Variants in PLAAT5 observed in about 807,000 individuals in gnomAD.
PLAAT5 encodes the protein Ca(2+)-independent N-acyltransferase.
PLAAT5 carries 27 observed loss-of-function variants against 27.8 expected under a neutral mutation model. That is an observed-to-expected ratio of 0.97 (90% CI 0.72 to 1.34). The LOEUF (loss-of-function observed/expected upper bound fraction) is 1.34, where lower values mean the gene tolerates loss of function less well. PLAAT5 is among the 40% of genes most tolerant of loss of function. The pLI is 0.00. For synonymous variants in PLAAT5, 125 were observed against 136.1 expected (o/e 0.92, Z 0.57); for missense variants, 368 against 343.8 (o/e 1.07, Z -0.56).
chr11:63,472,934 T>C (rs1486549115), intron 3 of PLAAT5, among the ~76,000 whole-genome samples: 2 of 151,520 alleles, frequency 1.3e-5, no homozygotes, highest in Admixed American at 1.3e-4. Context: ...TGAAACCCCA[T>C]CTCTATTAAA....
rs149917445 is a variant in PLAAT5 at position 63,466,249 on chromosome 11, G to T, written c.578C>A (p.Thr193Lys). Reference sequence around the variant, plus strand: ...CTTGTCCACCGGCAAGGGCAGGTACGTCCCATCTAGCTTGTTATTGACCTT... The same window carrying T: ...CTTGTCCACCGGCAAGGGCAGGTACTTCCCATCTAGCTTGTTATTGACCTT... Reference protein sequence around the residue: ...SWKVNNKLDGTYLPLPVDKII... With the variant: ...SWKVNNKLDGKYLPLPVDKII... Residue 193 changes from threonine to lysine, a missense_variant, in exon 5 of 6, where the codon ACG (threonine) becomes AAG (lysine). Transcript: ENST00000540857. 2.5e-6 allele frequency: 4 copies of T among 1,614,138 alleles called. No individual in the cohort carries two copies. The highest frequency in any genetic ancestry group is 1.6e-4 in the Middle Eastern group (1 of 6,062).
intron 3 of PLAAT5, chr11:63,469,674 T>C (rs963553360): frequency 5.5e-6 from 1 of 180,300 alleles, no homozygotes; most frequent in Non-Finnish European, 1.3e-5. Flanking sequence ...CGTTAATTTG[T>C]CAACTACTCA....
intron 1 of PLAAT5, 65 bp from the exon 2 acceptor site, chr11:63,490,398 G>A: frequency 3.1e-6 from 5 of 1,611,726 alleles, no homozygotes; most frequent in Non-Finnish European, 4.2e-6. Context: ...CACCTTGACC[G>A]CTACGGAGAG....
intron 3 of PLAAT5, among the ~76,000 whole-genome samples, chr11:63,483,443 A>ACTC (rs2016332230): frequency 6.6e-6 from 1 of 152,008 alleles, no homozygotes; most frequent in Admixed American, 6.6e-5. Context: ...TTAGAAATTA[A>ACTC]CTCTGAAAGG....
Position 63,464,148 on chromosome 11 carries a change from G to A in PLAAT5, c.718-553C>T, listed in dbSNP as rs149857757. Among the ~76,000 whole-genome samples the A allele has an allele frequency of 1.5e-3, 227 of 152,256 alleles. 1 individual carries two copies. The highest frequency in any genetic ancestry group is 5.1e-3 in the African/African-American group (211 of 41,552). On this transcript the variant is annotated intron_variant, in intron 5 of 5. Coordinates refer to ENST00000540857, the MANE Select transcript of PLAAT5 (RefSeq NM_001146729.2). ...TAGAGAAAAGCCTCACAAGAATGGA[G>A]TGCAGGCTGGAGAGGATGCAGAGCA...
intron 4 of PLAAT5, among the ~76,000 whole-genome samples, chr11:63,467,602 C>A (rs1181521840): frequency 6.6e-6 from 1 of 152,134 alleles, no homozygotes; most frequent in Non-Finnish European, 1.5e-5. Context: ...AGACAGCATT[C>A]AAAGTGCATT....
chr11:63,472,188 C>A (rs1306404195), intron 3 of PLAAT5, among the ~76,000 whole-genome samples: 1 of 151,602 alleles, frequency 6.6e-6, no homozygotes, highest in Non-Finnish European at 1.5e-5. Flanking sequence ...ACACATACCC[C>A]AGAACTTAAA....
At position 63,473,706 on chromosome 11, in the gene PLAAT5, G is replaced by GTT. The variant is rs201090137; in HGVS notation, c.346-5243_346-5242dup. ...TCTATTAACATGATATTTTTTTGTT[G>GTT]TTTTTTTTTTTTTTTTGGTTTTTTG... On this transcript the variant is annotated intron_variant, in intron 3 of 5. Transcript: ENST00000540857. 6.0e-3 allele frequency among the ~76,000 whole-genome samples: 704 copies of GTT among 117,646 alleles called. 4 individuals carry two copies. Among genetic ancestry groups the GTT allele is most frequent in the African/African-American group, 0.019 (657 of 33,878 alleles). The allele number at this position is 117,646 out of a possible 152,430, so 77.2% of individuals were successfully genotyped here. A position where few individuals can be genotyped will look rare whatever the true frequency, so the allele number is the denominator to read the frequency against.
intron 3 of PLAAT5, 88 bp from the exon 4 acceptor site, chr11:63,468,553 A>T: frequency 1.1e-6 from 1 of 952,256 alleles, no homozygotes; most frequent in Non-Finnish European, 1.6e-6. Context: ...CAGCCTAAAG[A>T]TCCCCTCAGT....
intron 3 of PLAAT5, among the ~76,000 whole-genome samples, chr11:63,469,141 T>A (rs111881901): frequency 0.034 from 4,847 of 142,100 alleles, 91 homozygotes; most frequent in Middle Eastern, 0.044. Flanking sequence ...TGTGTGTGTG[T>A]GTGTGAGAGA....
At chr11:63,486,869 A>G (rs1271674025) in intron 3 of PLAAT5, among the ~76,000 whole-genome samples, 2 of 152,220 alleles carry the variant, frequency 1.3e-5, no homozygotes, top group East Asian at 1.9e-4. Flanking sequence ...ACTATAAAAT[A>G]CCTAGAAGAA....
chr11:63,472,414 T>C (rs1228389789), intron 3 of PLAAT5, among the ~76,000 whole-genome samples: 1 of 152,230 alleles, frequency 6.6e-6, no homozygotes, highest in African/African-American at 2.4e-5. Flanking sequence ...ACCAACGTTG[T>C]TCTTTTTCAG....
At chr11:63,465,414 A>G (rs1013564766) in intron 5 of PLAAT5, among the ~76,000 whole-genome samples, 5 of 133,248 alleles carry the variant, frequency 3.8e-5, no homozygotes, top group Admixed American at 7.5e-5. Flanking sequence ...GTGTGTGTGT[A>G]TCCAAGATGT....
At chr11:63,475,182 C>T (rs567665671) in intron 3 of PLAAT5, among the ~76,000 whole-genome samples, 38 of 150,282 alleles carry the variant, frequency 2.5e-4, no homozygotes, top group African/African-American at 8.8e-4. Flanking sequence ...TAGTTGCTTA[C>T]ATCTTCTATC....
intron 3 of PLAAT5, among the ~76,000 whole-genome samples, chr11:63,488,103 C>G (rs1195989195): frequency 6.6e-6 from 1 of 152,166 alleles, no homozygotes; most frequent in African/African-American, 2.4e-5. Flanking sequence ...CAAGATCACG[C>G]CACTGCACTC....
At chr11:63,474,594 T>A (rs1324783473) in intron 3 of PLAAT5, among the ~76,000 whole-genome samples, 4 of 152,134 alleles carry the variant, frequency 2.6e-5, no homozygotes. Context: ...TTGTCTATTT[T>A]ACCTTTCCAA....
intron 3 of PLAAT5, among the ~76,000 whole-genome samples, chr11:63,485,196 A>G (rs2016404923): frequency 6.6e-6 from 1 of 152,234 alleles, no homozygotes; most frequent in Non-Finnish European, 1.5e-5. Flanking sequence ...CAATATTGTG[A>G]AAATGATCAT....
At chr11:63,490,785 C>G (rs2016545841) in intron 1 of PLAAT5, 102 bp downstream of exon 1, 1 of 1,106,318 alleles carries the variant, frequency 9.0e-7, no homozygotes, top group Admixed American at 2.7e-5. Flanking sequence ...ACAGACAACA[C>G]AATCGCCAAA....
At chr11:63,486,856 A>G (rs922191796) in intron 3 of PLAAT5, among the ~76,000 whole-genome samples, 15 of 152,256 alleles carry the variant, frequency 9.9e-5, no homozygotes, top group Non-Finnish European at 2.1e-4. Flanking sequence ...TGTAAAAAAC[A>G]AAACTATAAA....
Sources: gnomAD v4.1 joint callset for allele counts (sites outside exome capture counted in the v4.1 genomes callset) on GRCh38, gnomAD v4.1.1 for gene constraint, MANE v1.5 for transcripts, NCBI Gene and HGNC (gene_info 2026-07-23, HGNC 2026-07-21) for gene names.